C1orf159: variants seen among roughly 807,000 people sequenced by gnomAD.
C1orf159 encodes chromosome 1 open reading frame 159.
A neutral mutation model predicts 25.6 loss-of-function variants in C1orf159; 19 were observed. That is an observed-to-expected ratio of 0.74 (90% CI 0.52 to 1.09). C1orf159 has a LOEUF of 1.09. Among genes scored for constraint, C1orf159 ranks in the 50% least tolerant of loss-of-function variants. C1orf159 has a pLI of 0.00. For missense variants in C1orf159, 274 were observed against 290.6 expected (o/e 0.94, Z 0.42); for synonymous variants, 139 against 124.7 (o/e 1.12, Z -0.77).
intron 7 of C1orf159, among the ~76,000 whole-genome samples, chr1:1,085,501 GGA>G (rs1645814195): frequency 6.6e-6 from 1 of 151,202 alleles, no homozygotes; most frequent in African/African-American, 2.4e-5. Flanking sequence ...CCAGGAGAGG[GGA>G]GGGGGGACCA....
intron 1 of C1orf159, among the ~76,000 whole-genome samples, chr1:1,097,488 C>T (rs1290814886): frequency 6.6e-6 from 1 of 152,048 alleles, no homozygotes; most frequent in Admixed American, 6.5e-5. Flanking sequence ...TCACAGTTCA[C>T]TGCAGCCTCA....
chr1:1,102,413 CCT>C (rs1479519295), intron 1 of C1orf159, among the ~76,000 whole-genome samples: 3 of 150,420 alleles, frequency 2.0e-5, no homozygotes, highest in African/African-American at 7.3e-5. Context: ...GATTTCTATT[CCT>C]CTGTCTTTGA....
intron 1 of C1orf159, among the ~76,000 whole-genome samples, chr1:1,095,137 T>C (rs1386813001): frequency 6.6e-6 from 1 of 152,246 alleles, no homozygotes; most frequent in Non-Finnish European, 1.5e-5. Flanking sequence ...GTAAGTAGAA[T>C]AGAAACTTTG....
At chr1:1,104,771 G>A (rs1382961202) in intron 1 of C1orf159, among the ~76,000 whole-genome samples, 3 of 151,772 alleles carry the variant, frequency 2.0e-5, no homozygotes, top group Non-Finnish European at 2.9e-5. Context: ...AGCCGGGAAC[G>A]CACCTGCACT....
At position 1,082,736 on chromosome 1, in the gene C1orf159, G is replaced by C. The variant is rs1645763054; in HGVS notation, c.*157C>G. The C allele has an allele frequency of 4.5e-6, 3 of 669,746 alleles. No individual in the cohort carries two copies. Among genetic ancestry groups the C allele is most frequent in the Non-Finnish European group, 7.9e-6 (3 of 380,052 alleles). 41.5% of individuals were successfully genotyped at this position (669,746 alleles called of 1,614,324 possible). On this transcript the variant is annotated 3_prime_UTR_variant, in exon 10 of 10. Coordinates refer to ENST00000421241, the MANE Select transcript of C1orf159 (RefSeq NM_017891.5). ...AGCCTCAGGCGGCCCGGGACCCTTT[G>C]GCGTCCGTCGCTGGGAGGCGGAGGG...
At position 1,090,659 on chromosome 1, in the gene C1orf159, A is replaced by G. The variant is rs111922208; in HGVS notation, c.73-231T>C. 2.5e-4 allele frequency: 170 copies of G among 685,880 alleles called. No individual in the cohort carries two copies. In the African/African-American group the frequency reaches 2.6e-3, roughly 10 times the overall value. The allele number at this position is 685,880 out of a possible 1,614,324, so 42.5% of individuals were successfully genotyped here. On this transcript the variant is annotated intron_variant, in intron 3 of 9. Coordinates refer to ENST00000421241, the MANE Select transcript of C1orf159 (RefSeq NM_017891.5). ...GACCCTGGGTGGGCGGTCTCCAAGG[A>G]AAAGCTGGGCCTGGAAGAGTAAACC...
chr1:1,113,438 G>C (rs549312149), intron 1 of C1orf159, among the ~76,000 whole-genome samples: 47 of 152,284 alleles, frequency 3.1e-4, no homozygotes, highest in African/African-American at 1.1e-3. Flanking sequence ...TGTGAAACAG[G>C]CTGGAGTGCA....
At chr1:1,093,932 G>C (rs1645975615) in intron 1 of C1orf159, among the ~76,000 whole-genome samples, 1 of 152,200 alleles carries the variant, frequency 6.6e-6, no homozygotes. Context: ...GTCCGTGCAT[G>C]TGCAGGAGTA....
chr1:1,114,544 C>T (rs1178012714), intron 1 of C1orf159, among the ~76,000 whole-genome samples: 1 of 152,172 alleles, frequency 6.6e-6, no homozygotes, highest in African/African-American at 2.4e-5. Flanking sequence ...CCTGTGCACC[C>T]CAGGGCTGAG....
intron 1 of C1orf159, among the ~76,000 whole-genome samples, chr1:1,102,935 T>C (rs796924213): frequency 3.6e-4 from 54 of 151,908 alleles, no homozygotes; most frequent in African/African-American, 1.3e-3. Flanking sequence ...GCTCAAGTGA[T>C]TCTTTGCCTC....
At chr1:1,102,031 A>G (rs923137635) in intron 1 of C1orf159, among the ~76,000 whole-genome samples, 14 of 139,596 alleles carry the variant, frequency 1.0e-4, no homozygotes, top group Middle Eastern at 3.8e-3. Context: ...AGATCGCACC[A>G]CTGCACTCCA....
intron 3 of C1orf159, chr1:1,090,690 C>G (rs568819535): frequency 1.4e-6 from 1 of 705,402 alleles, no homozygotes; most frequent in South Asian, 1.7e-5. Flanking sequence ...AAACCACCCC[C>G]AGGAGGCGGC....
Position 1,087,306 on chromosome 1 carries a change from G to A in C1orf159, c.245-102C>T. On this transcript the variant is annotated intron_variant, in intron 5 of 9. Coordinates refer to ENST00000421241, the MANE Select transcript of C1orf159 (RefSeq NM_017891.5). The surrounding 1 kb of genome is among the most constrained non-coding windows in gnomAD (Gnocchi z 8.3). ...TCAGGACGGAAATATGAAAGCGAGGGGCTGAGGGGGCGGAGCAGCCCTCAC... is the reference window on the plus strand; with the variant it reads ...TCAGGACGGAAATATGAAAGCGAGGAGCTGAGGGGGCGGAGCAGCCCTCAC... 7.8e-7 allele frequency: 1 copy of A among 1,288,240 alleles called. No individual in the cohort carries two copies. The highest frequency in any genetic ancestry group is 1.5e-5 in the South Asian group (1 of 67,462). The allele number at this position is 1,288,240 out of a possible 1,614,324, so 79.8% of individuals were successfully genotyped here. A position where few individuals can be genotyped will look rare whatever the true frequency, so the allele number is the denominator to read the frequency against.
intron 1 of C1orf159, chr1:1,092,879 C>T (rs12077244): frequency 0.18 from 27,327 of 152,122 alleles, 3,391 homozygotes; most frequent in African/African-American, 0.36. Flanking sequence ...CAACACAGCC[C>T]GTCTTTACAA....
chr1:1,084,117 G>A (rs777449537), intron 9 of C1orf159: 13 of 1,570,630 alleles, frequency 8.3e-6, no homozygotes, highest in Middle Eastern at 1.7e-4. Context: ...TGGAAGTCAC[G>A]GGGATTAAAG....
intron 1 of C1orf159, among the ~76,000 whole-genome samples, chr1:1,099,971 G>A (rs1198072325): frequency 2.5e-5 from 3 of 121,494 alleles, no homozygotes; most frequent in African/African-American, 1.2e-4. Flanking sequence ...GCATCTTTTA[G>A]TTCAGTGTGA....
intron 1 of C1orf159, among the ~76,000 whole-genome samples, chr1:1,112,507 C>G (rs1037564931): frequency 3.3e-5 from 5 of 151,204 alleles, no homozygotes; most frequent in Admixed American, 6.6e-5. Flanking sequence ...AGTGAACACA[C>G]GGCACATGCT....
chr1:1,096,957 T>C (rs894678915), intron 1 of C1orf159, among the ~76,000 whole-genome samples: 6 of 152,208 alleles, frequency 3.9e-5, no homozygotes, highest in African/African-American at 1.4e-4. Flanking sequence ...GTTGCTGGTC[T>C]TGAACTCCTG....
intron 1 of C1orf159, among the ~76,000 whole-genome samples, chr1:1,093,311 T>C (rs1431696674): frequency 3.3e-5 from 5 of 152,224 alleles, no homozygotes; most frequent in South Asian, 4.1e-4. Flanking sequence ...ATCATTTTGA[T>C]TCAGGAACCA....
Sources: gnomAD v4.1 joint callset for allele counts (sites outside exome capture counted in the v4.1 genomes callset) on GRCh38, gnomAD v4.1.1 for gene constraint, Gnocchi (gnomAD v3.1) non-coding constraint, MANE v1.5 for transcripts, NCBI Gene and HGNC (gene_info 2026-07-23, HGNC 2026-07-21) for gene names.